The following FAM20A variants were observed in gnomAD, a reference collection of about 807,000 sequenced individuals.
FAM20A encodes FAM20A golgi associated secretory pathway pseudokinase, also known as pseudokinase FAM20A.
A neutral mutation model predicts 52.0 loss-of-function variants in FAM20A; 42 were observed. The ratio of observed to expected loss-of-function variants is 0.81; its 90% CI spans 0.63 to 1.04. FAM20A has a LOEUF of 1.04. FAM20A is among the 50% of genes least tolerant of loss of function. The pLI is 0.00. For synonymous variants in FAM20A, 304 were observed against 298.9 expected (o/e 1.02, Z -0.18); for missense variants, 742 against 712.7 (o/e 1.04, Z -0.47).
intron 4 of FAM20A, among the ~76,000 whole-genome samples, chr17:68,549,494 CAAAA>C (rs34993560): frequency 4.4e-4 from 56 of 126,954 alleles, no homozygotes; most frequent in Non-Finnish European, 8.1e-4. Context: ...AACTCCATCT[CAAAA>C]AAAAAAAAAA....
intron 1 of FAM20A, among the ~76,000 whole-genome samples, chr17:68,578,838 C>CAAAAAAAAAAAAAAA: frequency 2.8e-5 from 1 of 36,070 alleles, no homozygotes; most frequent in African/African-American, 1.2e-4. Context: ...CTAAAAATAC[C>CAAAAAAAAAAAAAAA]AAAAAAAAAA....
chr17:68,562,476 G>T (rs1000050449), intron 1 of FAM20A, among the ~76,000 whole-genome samples: 1 of 152,096 alleles, frequency 6.6e-6, no homozygotes, highest in African/African-American at 2.4e-5. Flanking sequence ...TGCTCCTTGG[G>T]GGTATGCATG....
chr17:68,546,727 G>C (rs1476776672), intron 4 of FAM20A, among the ~76,000 whole-genome samples: 2 of 151,842 alleles, frequency 1.3e-5, no homozygotes, highest in Non-Finnish European at 1.5e-5. Flanking sequence ...CCACTCGGGA[G>C]GCTGAGGCAG....
chr17:68,551,730 C>A, intron 4 of FAM20A, 143 bp downstream of exon 4: 2 of 440,210 alleles, frequency 4.5e-6, no homozygotes, highest in Non-Finnish European at 8.6e-6. Context: ...TTATTATCAC[C>A]CCAAACAGTT....
chr17:68,575,531 ATAT>A (rs2143822799), intron 1 of FAM20A, among the ~76,000 whole-genome samples: 1 of 101,962 alleles, frequency 9.8e-6, no homozygotes, highest in Non-Finnish European at 1.8e-5. Context: ...ATTATATAAT[ATAT>A]ATTTTATATA....
chr17:68,583,826 C>T (rs1296774850), intron 1 of FAM20A, among the ~76,000 whole-genome samples: 3 of 151,952 alleles, frequency 2.0e-5, no homozygotes, highest in Non-Finnish European at 4.4e-5. Context: ...TGGCGTGAAC[C>T]AGGAGGTGGA....
At chr17:68,561,108 A>AT (rs888751848) in intron 1 of FAM20A, among the ~76,000 whole-genome samples, 178 of 152,164 alleles carry the variant, frequency 1.2e-3, no homozygotes, top group African/African-American at 4.0e-3. Flanking sequence ...ACTTATGGTG[A>AT]TTTTTTAAAA....
At chr17:68,584,008 A>G (rs933088877) in intron 1 of FAM20A, among the ~76,000 whole-genome samples, 3 of 151,660 alleles carry the variant, frequency 2.0e-5, no homozygotes, top group Non-Finnish European at 1.5e-5. Context: ...ACTCAAACCA[A>G]TTCAACCCTT....
chr17:68,563,578 T>C (rs560075472), intron 1 of FAM20A, among the ~76,000 whole-genome samples: 3 of 151,798 alleles, frequency 2.0e-5, no homozygotes, highest in Admixed American at 6.6e-5. Context: ...TTAGGGGCTT[T>C]TTTTTTTCTT....
Position 68,600,281 on chromosome 17 carries a change from T to G in FAM20A, c.386A>C (p.Lys129Thr). ...SQEALRYYRRKVARWNRRHKM... is the reference protein window; with the variant it reads ...SQEALRYYRRTVARWNRRHKM... ...TCCTCACCTGTTCCAGCGGGCCACC[T>G]TCCTCCGGTAATACCGCAGCGCCTC... Residue 129 changes from lysine to threonine, a missense_variant, in exon 1 of 11, where the codon AAG becomes ACG. Coordinates refer to ENST00000592554, the MANE Select transcript of FAM20A (RefSeq NM_017565.4). This position sits in a 1 kb window ranked among gnomAD's most constrained non-coding sequence, Gnocchi z 6.2. 6.4e-7 allele frequency: 1 copy of G among 1,571,488 alleles called. No individual in the cohort carries two copies. Among genetic ancestry groups the G allele is most frequent in the Admixed American group, 1.8e-5 (1 of 54,942 alleles).
At chr17:68,583,411 T>C (rs1045849804) in intron 1 of FAM20A, among the ~76,000 whole-genome samples, 11 of 152,140 alleles carry the variant, frequency 7.2e-5, no homozygotes, top group Admixed American at 2.0e-4. Flanking sequence ...CTGGTGGCTA[T>C]TGGTGTTCCT....
At chr17:68,569,259 C>T (rs1010304248) in intron 1 of FAM20A, among the ~76,000 whole-genome samples, 5 of 152,096 alleles carry the variant, frequency 3.3e-5, no homozygotes, top group Non-Finnish European at 5.9e-5. Context: ...CCTGCATCAC[C>T]GAATTGTGTA....
chr17:68,575,832 AT>A lies in FAM20A; in HGVS notation c.405-20090del, dbSNP rs200529477. 1.4e-4 allele frequency among the ~76,000 whole-genome samples: 19 copies of A among 139,890 alleles called. No homozygotes were observed. The East Asian group carries it at 1.9e-3, about 14-fold the overall frequency. The allele number at this position is 139,890 out of a possible 152,430, so 91.8% of individuals were successfully genotyped here. On this transcript the variant is annotated intron_variant, in intron 1 of 10. Transcript: ENST00000592554. The stretch of plus-strand genomic sequence containing the variant: ...CACACACACACACACACACACACAC[AT>A]AATCAGCCATTGGCAGTTACAGCTG...
Position 68,535,801 on chromosome 17 carries a change from C to G in FAM20A, c.*1676G>C, listed in dbSNP as rs541361357. ...TGGGATTACAGGTGTGAGCCCATGC[C>G]CAGCTGATTTTTTTTTTAAGCAAAC... On this transcript the variant is annotated 3_prime_UTR_variant, in exon 11 of 11. Coordinates refer to ENST00000592554, the MANE Select transcript of FAM20A (RefSeq NM_017565.4). The G allele has an allele frequency of 2.2e-6, 1 of 453,538 alleles. No homozygotes were observed. Among genetic ancestry groups the G allele is most frequent in the Non-Finnish European group, 4.4e-6 (1 of 226,728 alleles). 28.1% of individuals were successfully genotyped at this position (453,538 alleles called of 1,614,324 possible). A position where few individuals can be genotyped will look rare whatever the true frequency, so the allele number is the denominator to read the frequency against.
At chr17:68,587,380 C>T (rs978144546) in intron 1 of FAM20A, among the ~76,000 whole-genome samples, 10 of 152,192 alleles carry the variant, frequency 6.6e-5, no homozygotes, top group African/African-American at 2.4e-4. Context: ...CTCAGTTTCT[C>T]ACCATTACAT....
Position 68,572,857 on chromosome 17 carries a change from C to T in FAM20A, c.405-17114G>A, listed in dbSNP as rs549115204. 1.1e-4 allele frequency among the ~76,000 whole-genome samples: 17 copies of T among 152,270 alleles called. No homozygotes were observed. In the East Asian group the frequency reaches 2.7e-3, roughly 24 times the overall value. On this transcript the variant is annotated intron_variant, in intron 1 of 10. Transcript: ENST00000592554. ...TTCCCTTTCTGTTCATCTGCCTCCT[C>T]GCCCATTTATCTCTGTGTCCTAGAG...
chr17:68,586,755 G>A (rs758060103), intron 1 of FAM20A, among the ~76,000 whole-genome samples: 4 of 152,156 alleles, frequency 2.6e-5, no homozygotes, highest in African/African-American at 7.2e-5. Flanking sequence ...TGTTGTTTTA[G>A]GCCACCCACA....
intron 1 of FAM20A, among the ~76,000 whole-genome samples, chr17:68,599,077 C>G (rs1223457564): frequency 1.3e-5 from 2 of 152,166 alleles, no homozygotes; most frequent in Non-Finnish European, 2.9e-5. Flanking sequence ...GTGATTCAGC[C>G]AACAACTCAA....
At chr17:68,545,646 G>A (rs1257479812) in intron 4 of FAM20A, among the ~76,000 whole-genome samples, 2 of 152,160 alleles carry the variant, frequency 1.3e-5, no homozygotes, top group Non-Finnish European at 2.9e-5. Flanking sequence ...TTGCTGCATC[G>A]ATTCACAAAA....
Sources: gnomAD v4.1 joint callset for allele counts (sites outside exome capture counted in the v4.1 genomes callset) on GRCh38, gnomAD v4.1.1 for gene constraint, Gnocchi (gnomAD v3.1) non-coding constraint, MANE v1.5 for transcripts, NCBI Gene and HGNC (gene_info 2026-07-23, HGNC 2026-07-21) for gene names.